Variants in OPCML observed in about 807,000 individuals in gnomAD.
OPCML encodes the protein opioid binding protein/cell adhesion molecule like.
A neutral mutation model predicts 37.8 loss-of-function variants in OPCML; 13 were observed. The ratio of observed to expected loss-of-function variants is 0.34; its 90% CI spans 0.22 to 0.55. OPCML has a LOEUF of 0.55. Among genes scored for constraint, OPCML ranks in the 20% least tolerant of loss-of-function variants. The pLI, the probability that OPCML is intolerant of heterozygous loss-of-function variation, is 0.91. For synonymous variants in OPCML, 176 were observed against 168.8 expected (o/e 1.04, Z -0.33); for missense variants, 341 against 435.6 (o/e 0.78, Z 1.93).
intron 7 of OPCML, among the ~76,000 whole-genome samples, chr11:132,422,045 G>A (rs937396971): frequency 6.6e-6 from 1 of 151,904 alleles, no homozygotes; most frequent in African/African-American, 2.4e-5. Context: ...TTATCTTTTT[G>A]TATATATTTT....
At position 132,953,850 on chromosome 11, in the gene OPCML, T is replaced by C. The variant is rs145265479; in HGVS notation, c.62-10840A>G. On this transcript the variant is annotated intron_variant, in intron 1 of 7. Coordinates refer to ENST00000524381, the MANE Select transcript of OPCML (RefSeq NM_001012393.5). ...CCTTGGTTGCATGGGAAAAACAACA[T>C]TTTTTTATTTAAAGAACGAGCAAAA... 4.6e-5 allele frequency among the ~76,000 whole-genome samples: 7 copies of C among 152,206 alleles called. No homozygotes were observed. In the East Asian group the frequency reaches 1.2e-3, roughly 25 times the overall value.
At chr11:132,464,264 C>G (rs762086736) in intron 4 of OPCML, among the ~76,000 whole-genome samples, 5 of 151,902 alleles carry the variant, frequency 3.3e-5, no homozygotes, top group Non-Finnish European at 5.9e-5. Context: ...CTGTCGCAGA[C>G]TGCCACATGG....
intron 4 of OPCML, among the ~76,000 whole-genome samples, chr11:132,518,658 C>A (rs911569680): frequency 6.6e-6 from 1 of 152,162 alleles, no homozygotes; most frequent in Non-Finnish European, 1.5e-5. Flanking sequence ...ATGTCACTAT[C>A]TCAGGGAAAA....
At chr11:133,471,156 A>G (rs1947103542) in intron 1 of OPCML, among the ~76,000 whole-genome samples, 1 of 152,226 alleles carries the variant, frequency 6.6e-6, no homozygotes, top group Non-Finnish European at 1.5e-5. Flanking sequence ...AAAACAAACA[A>G]CAGTCTACAG....
chr11:132,442,145 A>C (rs932529695), intron 4 of OPCML, among the ~76,000 whole-genome samples: 1 of 152,236 alleles, frequency 6.6e-6, no homozygotes, highest in African/African-American at 2.4e-5. Flanking sequence ...TTCACCTTGC[A>C]TAGTCTGCAA....
In OPCML at chr11:132,877,288, C is replaced by A. The variant is rs564948381; in HGVS notation, c.146+65638G>T. Among the ~76,000 whole-genome samples, 148 of 151,934 alleles carry A rather than the reference C, an allele frequency of 9.7e-4. 1 individual carries two copies. The highest frequency in any genetic ancestry group is 1.8e-3 in the Non-Finnish European group (125 of 67,968). Reference sequence around the variant, plus strand: ...AGTCATTGACAGGAACTAAGCTGCACCCCCCCACCCAAAAAAAGATGCAAT... The same window carrying A: ...AGTCATTGACAGGAACTAAGCTGCAACCCCCCACCCAAAAAAAGATGCAAT... On this transcript the variant is annotated intron_variant, in intron 2 of 7. Coordinates refer to ENST00000524381, the MANE Select transcript of OPCML (RefSeq NM_001012393.5).
intron 3 of OPCML, among the ~76,000 whole-genome samples, chr11:132,544,468 T>G (rs924156870): frequency 1.3e-5 from 2 of 152,228 alleles, no homozygotes; most frequent in African/African-American, 4.8e-5. Flanking sequence ...TGTTCTATAA[T>G]ATTTTAGACA....
chr11:132,503,593 G>A (rs1253329103), intron 4 of OPCML, among the ~76,000 whole-genome samples: 1 of 152,002 alleles, frequency 6.6e-6, no homozygotes, highest in African/African-American at 2.4e-5. Flanking sequence ...AAAAAACAAT[G>A]AGTTTAATAA....
intron 2 of OPCML, among the ~76,000 whole-genome samples, chr11:132,876,895 G>A (rs1386866794): frequency 2.0e-5 from 3 of 152,118 alleles, no homozygotes; most frequent in East Asian, 1.9e-4. Context: ...GGCTCAGGAG[G>A]GGCATGAAAC....
intron 1 of OPCML, among the ~76,000 whole-genome samples, chr11:133,140,897 A>G (rs1467384593): frequency 4.1e-5 from 1 of 24,594 alleles, no homozygotes; most frequent in Non-Finnish European, 1.5e-4. Flanking sequence ...GACGACGAAG[A>G]CGACGACGAC....
At position 133,417,784 on chromosome 11, in the gene OPCML, AATTCTATG is replaced by A. The variant is rs527321994; in HGVS notation, c.61+114472_61+114479del. On this transcript the variant is annotated intron_variant, in intron 1 of 7. Coordinates refer to ENST00000524381, the MANE Select transcript of OPCML (RefSeq NM_001012393.5). ...GAGACCACCAATTGAATATTTACTA[AATTCTATG>A]CCTTGTGTAAGGGGCATTGTATATG... Among the ~76,000 whole-genome samples, 151 of 152,222 alleles carry A rather than the reference AATTCTATG, an allele frequency of 9.9e-4. 1 individual carries two copies. Among genetic ancestry groups the A allele is most frequent in the African/African-American group, 3.4e-3 (141 of 41,534 alleles).
chr11:132,767,925 C>A (rs1311341574), intron 2 of OPCML, among the ~76,000 whole-genome samples: 1 of 152,020 alleles, frequency 6.6e-6, no homozygotes, highest in Non-Finnish European at 1.5e-5. Context: ...ACATTAGGAA[C>A]CTTCACCCTC....
intron 1 of OPCML, among the ~76,000 whole-genome samples, chr11:133,014,638 A>T (rs920836500): frequency 6.6e-6 from 1 of 152,240 alleles, no homozygotes; most frequent in Non-Finnish European, 1.5e-5. Context: ...ATGTCCTCCT[A>T]CAGTGAGGTA....
chr11:133,283,516 G>A (rs1249713979), intron 1 of OPCML, among the ~76,000 whole-genome samples: 1 of 152,082 alleles, frequency 6.6e-6, no homozygotes, highest in Non-Finnish European at 1.5e-5. Context: ...TGTAAAGCCT[G>A]CAGAACTAGG....
chr11:133,489,854 T>A (rs7942380), intron 1 of OPCML, among the ~76,000 whole-genome samples: 15,206 of 100,720 alleles, frequency 0.15, 1,266 homozygotes, highest in African/African-American at 0.36. Context: ...ATATATATAT[T>A]TTTTTATACA....
At chr11:132,448,863 A>T (rs770640422) in intron 4 of OPCML, among the ~76,000 whole-genome samples, 1 of 152,156 alleles carries the variant, frequency 6.6e-6, no homozygotes, top group Non-Finnish European at 1.5e-5. Flanking sequence ...TTCAAACCAC[A>T]ATTATTTTTT....
rs199871919 is a variant in OPCML at position 133,458,523 on chromosome 11, CT to C, written c.61+73740del. 1.1e-3 allele frequency among the ~76,000 whole-genome samples: 102 copies of C among 94,220 alleles called. 5 individuals carry two copies. Among genetic ancestry groups the C allele is most frequent in the East Asian group, 5.5e-3 (19 of 3,458 alleles). 61.8% of individuals were successfully genotyped at this position (94,220 alleles called of 152,430 possible). On this transcript the variant is annotated intron_variant, in intron 1 of 7. Transcript: ENST00000524381. ...GTGTGTGTATATACACATATATACA[CT>C]GTGTGTGTATACACATATATACACG...
intron 1 of OPCML, among the ~76,000 whole-genome samples, chr11:133,409,238 C>A (rs1032087417): frequency 6.6e-6 from 1 of 152,216 alleles, no homozygotes; most frequent in Admixed American, 6.5e-5. Flanking sequence ...CATCTTCAGA[C>A]AGCGCGACTC....
At chr11:133,420,111 C>A (rs567057586) in intron 1 of OPCML, 1 of 276,252 alleles carries the variant, frequency 3.6e-6, no homozygotes, top group South Asian at 1.4e-4. Flanking sequence ...TTTGAAAATA[C>A]CGTGCTAGAG....
Sources: allele counts gnomAD v4.1 joint callset (sites outside exome capture counted in the v4.1 genomes callset), GRCh38; gene constraint gnomAD v4.1.1; transcripts MANE v1.5; gene names NCBI Gene and HGNC (gene_info 2026-07-23, HGNC 2026-07-21).